SORCS2: variants seen among roughly 807,000 people sequenced by gnomAD.
SORCS2 encodes the protein sortilin related VPS10 domain containing receptor 2, also known as VPS10 domain-containing receptor SorCS2.
In SORCS2, 100 loss-of-function variants were observed where a neutral mutation model predicts 141.6. That is an observed-to-expected ratio of 0.71 (90% confidence interval 0.60 to 0.83). The LOEUF (loss-of-function observed/expected upper bound fraction) is 0.83. SORCS2 is among the 40% of genes least tolerant of loss of function. The pLI is 0.00. For missense variants in SORCS2, 1,646 were observed against 1,560.2 expected, an observed-to-expected ratio of 1.05 and a Z score of -0.93; for synonymous variants, 789 against 676.9, an observed-to-expected ratio of 1.17 and a Z score of -2.57.
chr4:7,621,163 G>A (rs1397171810), intron 3 of SORCS2, among the ~76,000 whole-genome samples: 1 of 152,304 alleles, frequency 6.6e-6, no homozygotes, highest in Admixed American at 6.5e-5. Context: ...CAGGCCCAGC[G>A]GAGATGTGGC....
chr4:7,312,109 C>T (rs1718222292), intron 1 of SORCS2, among the ~76,000 whole-genome samples: 1 of 152,106 alleles, frequency 6.6e-6, no homozygotes, highest in South Asian at 2.1e-4. Context: ...TATCTTGACC[C>T]TGTGATCCGC....
Position 7,728,387 on chromosome 4 carries a change from G to A in SORCS2, c.2907G>A (p.Glu969=), listed in dbSNP as rs1190252045. ...TCATGCCTCTGCAGTTTTCCAAGGA[G>A]CTGGATGCCTACAACCCCAACACCC... is the stretch of plus-strand genomic sequence containing the variant. ...FQVMPLQFSK[E]LDAYNPNTPE... Residue 969 remains glutamate (E), a synonymous_variant, in exon 22 of 27, where the codon GAG becomes GAA. Transcript: ENST00000507866. The A allele has an allele frequency of 2.5e-6, 4 of 1,613,852 alleles. No homozygotes were observed. The highest frequency in any genetic ancestry group is 1.1e-5 in the South Asian group (1 of 91,046).
chr4:7,637,697 ATGAATGAATGAATGAG>A (rs1465343093), intron 3 of SORCS2, among the ~76,000 whole-genome samples: 4 of 149,662 alleles, frequency 2.7e-5, no homozygotes, highest in Non-Finnish European at 5.9e-5. Context: ...CCAGGCACTC[ATGAATGAATGAATGAG>A]TGAATGAATG....
At chr4:7,328,888 C>CCGG (rs1226269347) in intron 1 of SORCS2, among the ~76,000 whole-genome samples, 2 of 152,212 alleles carry the variant, frequency 1.3e-5, no homozygotes, top group African/African-American at 4.8e-5. Flanking sequence ...GCCCCACTTG[C>CCGG]CGGCACCCTT....
At chr4:7,314,826 T>C (rs1718454639) in intron 1 of SORCS2, among the ~76,000 whole-genome samples, 2 of 140,476 alleles carry the variant, frequency 1.4e-5, no homozygotes, top group East Asian at 4.1e-4. Flanking sequence ...TTTTTTTTTT[T>C]TTTATTGTTG....
chr4:7,552,588 G>T (rs538611429), intron 3 of SORCS2, among the ~76,000 whole-genome samples: 41 of 152,336 alleles, frequency 2.7e-4, no homozygotes, highest in African/African-American at 9.4e-4. Context: ...CACTAGGTAG[G>T]TAGAGAAAGC....
At chr4:7,677,371 G>T (rs929521232) in intron 9 of SORCS2, among the ~76,000 whole-genome samples, 5 of 152,248 alleles carry the variant, frequency 3.3e-5, no homozygotes, top group Non-Finnish European at 7.3e-5. Context: ...AGCGAGGGGG[G>T]CTACTTGACC....
chr4:7,513,828 T>C (rs1732806701), intron 2 of SORCS2, among the ~76,000 whole-genome samples: 1 of 152,186 alleles, frequency 6.6e-6, no homozygotes, highest in Admixed American at 6.5e-5. Flanking sequence ...TTCTTAAGAA[T>C]TGGAGAAATA....
chr4:7,402,359 ATG>A (rs979595159), intron 2 of SORCS2, among the ~76,000 whole-genome samples: 2 of 152,168 alleles, frequency 1.3e-5, no homozygotes, highest in Non-Finnish European at 2.9e-5. Flanking sequence ...ACACATCATA[ATG>A]TATCTTGATT....
At chr4:7,626,318 A>T (rs1363119819) in intron 3 of SORCS2, among the ~76,000 whole-genome samples, 3 of 152,118 alleles carry the variant, frequency 2.0e-5, no homozygotes. Context: ...TATTTATTGG[A>T]TTTTTTCCTA....
rs139035762 is a variant in SORCS2 at position 7,604,927 on chromosome 4, C to T, written c.649-33401C>T. Among the ~76,000 whole-genome samples the T allele has an allele frequency of 2.6e-5, 4 of 152,324 alleles. No individual in the cohort carries two copies. The East Asian group carries it at 7.7e-4, about 29-fold the overall frequency. On this transcript the variant is annotated intron_variant, in intron 3 of 26. Transcript: ENST00000507866. The stretch of plus-strand genomic sequence containing the variant: ...CCTTGGATTTGTCTCCTGACCCCTA[C>T]ACCCCATGCAGATGTCAAAAGAGAG...
intron 14 of SORCS2, among the ~76,000 whole-genome samples, chr4:7,706,502 G>A (rs113334645): frequency 0.011 from 1,472 of 137,692 alleles, 10 homozygotes; most frequent in African/African-American, 0.038. Flanking sequence ...GCTGGGCTCC[G>A]CCTGGGCAGG....
At chr4:7,496,656 A>T (rs1302330259) in intron 2 of SORCS2, among the ~76,000 whole-genome samples, 1 of 152,090 alleles carries the variant, frequency 6.6e-6, no homozygotes, top group African/African-American at 2.4e-5. Context: ...GAGAAAGGAC[A>T]GTTTCTAAAT....
chr4:7,285,692 C>G (rs1018904595), intron 1 of SORCS2, among the ~76,000 whole-genome samples: 3 of 152,230 alleles, frequency 2.0e-5, no homozygotes, highest in Non-Finnish European at 4.4e-5. Flanking sequence ...CCTGGGGCCT[C>G]GTTCTTCCTT....
At chr4:7,320,156 A>C (rs950461484) in intron 1 of SORCS2, among the ~76,000 whole-genome samples, 19 of 152,166 alleles carry the variant, frequency 1.2e-4, no homozygotes, top group African/African-American at 4.1e-4. Context: ...AATGAAAATA[A>C]GATTTTAAAA....
chr4:7,270,025 G>T (rs989271817), intron 1 of SORCS2, among the ~76,000 whole-genome samples: 4 of 152,216 alleles, frequency 2.6e-5, no homozygotes, highest in African/African-American at 9.6e-5. Context: ...GACTACAAGT[G>T]CCTGCCACCA....
chr4:7,325,728 CTA>C (rs1458154083), intron 1 of SORCS2, among the ~76,000 whole-genome samples: 3 of 152,200 alleles, frequency 2.0e-5, no homozygotes, highest in Non-Finnish European at 4.4e-5. Context: ...AATCAAGTGA[CTA>C]TGAAATTTCC....
intron 1 of SORCS2, among the ~76,000 whole-genome samples, chr4:7,382,558 A>C (rs755735667): frequency 6.6e-6 from 1 of 152,184 alleles, no homozygotes; most frequent in African/African-American, 2.4e-5. Context: ...CTGGACTGCA[A>C]ATCCTGAAAG....
chr4:7,667,967 AC>A (rs1722597229), intron 8 of SORCS2, among the ~76,000 whole-genome samples: 1 of 152,184 alleles, frequency 6.6e-6, no homozygotes, highest in Non-Finnish European at 1.5e-5. Flanking sequence ...GCCTCATGCC[AC>A]ACCTCCCTCG....
Sources: gnomAD v4.1 joint callset for allele counts (sites outside exome capture counted in the v4.1 genomes callset) on GRCh38, gnomAD v4.1.1 for gene constraint, MANE v1.5 for transcripts, NCBI Gene and HGNC (gene_info 2026-07-23, HGNC 2026-07-21) for gene names.